Variants in NSDHL observed in about 807,000 individuals in gnomAD.
NSDHL encodes NAD(P) dependent 3-beta-hydroxysteroid dehydrogenase NSDHL, also known as sterol-4-alpha-carboxylate 3-dehydrogenase, decarboxylating.
NSDHL carries 1 observed loss-of-function variant against 23.0 expected under a neutral mutation model. The ratio of observed to expected loss-of-function variants is 0.04; its 90% CI spans 0.02 to 0.21. NSDHL has a LOEUF of 0.21. NSDHL is among the 10% of genes least tolerant of loss of function. The pLI is 1.00. For synonymous variants in NSDHL, 128 were observed against 121.1 expected (o/e 1.06, Z -0.37); for missense variants, 237 against 300.9 (o/e 0.79, Z 1.57).
At chrX:152,853,549 C>T (rs182353822) in intron 3 of NSDHL, among the ~76,000 whole-genome samples, 1 of 111,641 alleles carries the variant, frequency 9.0e-6, no homozygotes, top group Admixed American at 9.5e-5. Flanking sequence ...CAGATCACAC[C>T]GCCCTCTGTA....
At chrX:152,861,710 A>T (rs1431279483) in intron 4 of NSDHL, among the ~76,000 whole-genome samples, 2 of 112,453 alleles carry the variant, frequency 1.8e-5, no homozygotes, top group Non-Finnish European at 3.8e-5. Flanking sequence ...CTTCGTAAAG[A>T]TTTTGCATAT....
chrX:152,854,800 A>C (rs1008294180), intron 3 of NSDHL, among the ~76,000 whole-genome samples: 3 of 109,286 alleles, frequency 2.7e-5, no homozygotes, highest in Non-Finnish European at 5.7e-5. Context: ...TGGGAGGATC[A>C]CTTGAGGCCA....
chrX:152,868,178 C>T (rs1219611697), intron 7 of NSDHL, among the ~76,000 whole-genome samples: 1 of 105,953 alleles, frequency 9.4e-6, no homozygotes, highest in Admixed American at 1.0e-4. Flanking sequence ...CACTCTGTCA[C>T]CCTGGCTGGA....
intron 3 of NSDHL, 58 bp downstream of exon 3, chrX:152,850,481 A>G: frequency 9.2e-7 from 1 of 1,084,244 alleles, no homozygotes; most frequent in Non-Finnish European, 1.3e-6. Flanking sequence ...AAACCACGAT[A>G]CTTCCCTTGC....
intron 7 of NSDHL, 67 bp from the exon 8 acceptor site, chrX:152,868,717 A>G (rs782812723): frequency 2.3e-5 from 22 of 953,218 alleles, no homozygotes; most frequent in Non-Finnish European, 3.1e-5. Flanking sequence ...CACGGGCTTA[A>G]TAGATGCTTC....
rs1300292324 is a variant in NSDHL, at chrX:152,837,785, T to A, written c.-44+6668T>A. Among the ~76,000 whole-genome samples, 3 of 112,074 alleles carry A rather than the reference T, an allele frequency of 2.7e-5. No individual in the cohort carries two copies. The Admixed American group carries it at 2.8e-4, about 11-fold the overall frequency. ...TTTTTGTTGTGTCTCTGCCAGGCTTTGGTATCAGGATGATGCTGGCCTCAT... is the reference window on the plus strand; with the variant it reads ...TTTTTGTTGTGTCTCTGCCAGGCTTAGGTATCAGGATGATGCTGGCCTCAT... On this transcript the variant is annotated intron_variant, in intron 1 of 7. Coordinates refer to ENST00000370274, the MANE Select transcript of NSDHL (RefSeq NM_015922.3).
chrX:152,868,087 C>T (rs5924766), intron 7 of NSDHL, among the ~76,000 whole-genome samples: 20,165 of 109,375 alleles, frequency 0.18, 1,630 homozygotes, highest in East Asian at 0.47. Flanking sequence ...TCTGCCGTTT[C>T]CCCACTGATA....
chrX:152,848,039 T>G (rs1933301364), intron 2 of NSDHL, among the ~76,000 whole-genome samples: 3 of 110,039 alleles, frequency 2.7e-5, no homozygotes, highest in Admixed American at 1.9e-4. Context: ...ATTTTTTGTA[T>G]TTTTAGTAGA....
intron 6 of NSDHL, 25 bp from the exon 7 acceptor site, chrX:152,867,546 T>A: frequency 9.1e-7 from 1 of 1,098,463 alleles, no homozygotes; most frequent in Non-Finnish European, 1.3e-6. Flanking sequence ...CAGCACGTAT[T>A]CCATCATCCC....
intron 5 of NSDHL, 124 bp downstream of exon 5, chrX:152,862,848 T>G (rs1336520672): frequency 5.6e-6 from 4 of 711,914 alleles, no homozygotes; most frequent in East Asian, 3.3e-5. Flanking sequence ...GTAAAATTTG[T>G]GGGTGAAATT....
chrX:152,860,369 C>T (rs1366077794), intron 4 of NSDHL, among the ~76,000 whole-genome samples: 1 of 111,863 alleles, frequency 8.9e-6, no homozygotes, highest in Non-Finnish European at 1.9e-5. Context: ...GTAACTGGAG[C>T]CCTGGGAAGG....
intron 1 of NSDHL, among the ~76,000 whole-genome samples, chrX:152,845,908 T>C (rs1709398728): frequency 8.9e-6 from 1 of 112,596 alleles, no homozygotes; most frequent in Non-Finnish European, 1.9e-5. Flanking sequence ...TGGGCACTGC[T>C]ACACCCTAAT....
rs1933673882 is a variant in NSDHL, at chrX:152,869,428, T to C, written c.*312T>C. 3.0e-6 allele frequency: 1 copy of C among 333,046 alleles called. No homozygotes were observed. The highest frequency in any genetic ancestry group is 5.4e-6 in the Non-Finnish European group (1 of 184,938). 27.4% of individuals were successfully genotyped at this position (333,046 alleles called of 1,213,427 possible). On this transcript the variant is annotated 3_prime_UTR_variant, in exon 8 of 8. Transcript: ENST00000370274. ...TTCTGGTTTATACATTTCATTCCAG[T>C]GTCCTTGTACATAATCAAGGAAGCT...
At chrX:152,846,162 G>A (rs370164228) in intron 1 of NSDHL, 120 bp from the exon 2 acceptor site, 24 of 499,342 alleles carry the variant, frequency 4.8e-5, no homozygotes, top group African/African-American at 1.9e-4. Flanking sequence ...AACAGCTGTC[G>A]CTATGGTTCA....
At position 152,860,757 on chromosome X, in the gene NSDHL, A is replaced by G. The variant is rs1026115206; in HGVS notation, c.415-1839A>G. Among the ~76,000 whole-genome samples, 6 of 111,551 alleles carry G rather than the reference A, an allele frequency of 5.4e-5. No individual in the cohort carries two copies. In the East Asian group the frequency reaches 1.4e-3, roughly 26 times the overall value. On this transcript the variant is annotated intron_variant, in intron 4 of 7. Coordinates refer to ENST00000370274, the MANE Select transcript of NSDHL (RefSeq NM_015922.3). ...AAACAACAAGATTTGAGAATAAAAC[A>G]GCACCTCTCCACTCACCACAGCATT... is the stretch of plus-strand genomic sequence containing the variant.
intron 2 of NSDHL, among the ~76,000 whole-genome samples, chrX:152,849,678 G>A (rs1253809356): frequency 2.7e-5 from 3 of 112,541 alleles, no homozygotes; most frequent in African/African-American, 6.5e-5. Context: ...CCATCAAGGC[G>A]GTCTTAGATT....
rs1205645293 is a variant in NSDHL, at chrX:152,865,731, G to A, written c.544-88G>A. The A allele has an allele frequency of 2.9e-5, 32 of 1,088,760 alleles. No homozygotes were observed. The Admixed American group carries it at 3.7e-4, about 13-fold the overall frequency. 89.7% of individuals were successfully genotyped at this position (1,088,760 alleles called of 1,213,427 possible). On this transcript the variant is annotated intron_variant, in intron 5 of 7. Coordinates refer to ENST00000370274, the MANE Select transcript of NSDHL (RefSeq NM_015922.3). ...AGTGTGTCATCTGTCTGTCCCCCAC[G>A]AGTGGTGCTTCTCACCCAGCGAGGC... is the stretch of plus-strand genomic sequence containing the variant.
chrX:152,859,803 A>T (rs909160834), intron 4 of NSDHL, among the ~76,000 whole-genome samples: 1 of 112,341 alleles, frequency 8.9e-6, no homozygotes, highest in African/African-American at 3.2e-5. Context: ...GAGCCACCAC[A>T]TTGTTTTCCA....
chrX:152,842,947 G>A (rs1291498806), intron 1 of NSDHL, among the ~76,000 whole-genome samples: 8 of 111,990 alleles, frequency 7.1e-5, no homozygotes, highest in Non-Finnish European at 1.3e-4. Context: ...GGCAGGGGAC[G>A]GGGGTTGCCT....
Sources: gnomAD v4.1 joint callset for allele counts (sites outside exome capture counted in the v4.1 genomes callset) on GRCh38, gnomAD v4.1.1 for gene constraint, MANE v1.5 for transcripts, NCBI Gene and HGNC (gene_info 2026-07-23, HGNC 2026-07-21) for gene names.